SRRM2: variants seen among roughly 807,000 people sequenced by gnomAD.
SRRM2 encodes the protein serine/arginine repetitive matrix 2, also known as serine/arginine repetitive matrix protein 2.
In SRRM2, 30 loss-of-function variants were observed where a neutral mutation model predicts 213.8. The observed-to-expected ratio is 0.14, with a 90% CI of 0.10 to 0.19. The LOEUF (loss-of-function observed/expected upper bound fraction) is 0.19. Among genes scored for constraint, SRRM2 ranks in the 10% least tolerant of loss-of-function variants. The probability of loss-of-function intolerance (pLI) is 1.00; values close to 1 mark genes in which losing one functional copy is unlikely to be tolerated. For missense variants in SRRM2, 4,904 were observed against 3,647.0 expected (o/e 1.34, Z -8.88); for synonymous variants, 2,025 against 1,377.7 (o/e 1.47, Z -10.40).
chr16:2,762,833 G>T lies in SRRM2; in HGVS notation c.2305G>T (p.Ala769Ser), dbSNP rs991472369. The change falls in exon 11 of 15, where the codon GCA becomes TCA. Residue 769 changes from alanine to serine, a missense_variant. Coordinates refer to ENST00000301740, the MANE Select transcript of SRRM2 (RefSeq NM_016333.4). ...GTCTCTCTCTTCACCACGGTCCAAAGCAAAATCTCGCTTGTCTTTGAGGCG... is the reference window on the plus strand; with the variant it reads ...GTCTCTCTCTTCACCACGGTCCAAATCAAAATCTCGCTTGTCTTTGAGGCG... Reference protein sequence around the residue: ...SRSLSSPRSKAKSRLSLRRSL... With the variant: ...SRSLSSPRSKSKSRLSLRRSL... The T allele has an allele frequency of 2.1e-5, 34 of 1,614,010 alleles. No homozygotes were observed. Among genetic ancestry groups the T allele is most frequent in the Non-Finnish European group, 2.6e-5 (31 of 1,180,028 alleles).
rs2068444802 is a variant in SRRM2, at chr16:2,763,742, T to G, written c.3214T>G (p.Ser1072Ala). The G allele has an allele frequency of 6.2e-7, 1 of 1,614,164 alleles. No homozygotes were observed. Among genetic ancestry groups the G allele is most frequent in the Non-Finnish European group, 8.5e-7 (1 of 1,180,040 alleles). Residue 1072 changes from serine to alanine, a missense_variant, in exon 11 of 15, where the codon TCA becomes GCA. Physicochemically the swap from Ser to Ala is moderately conservative, Grantham distance 99 (BLOSUM62 1). Coordinates refer to ENST00000301740, the MANE Select transcript of SRRM2 (RefSeq NM_016333.4). ...TTCACCAGACCACAGATCTGATACT[T>G]CAAGTCCAGAAGTGAGACAGAGTCA... is the stretch of plus-strand genomic sequence containing the variant. ...QTSPDHRSDT[S>A]SPEVRQSHSE...
chr16:2,770,708 G>C lies in SRRM2; in HGVS notation c.8240G>C (p.Arg2747Pro), dbSNP rs1205496525. The C allele has an allele frequency of 6.4e-7, 1 of 1,563,244 alleles. No homozygotes were observed. The highest frequency in any genetic ancestry group is 1.2e-5 in the South Asian group (1 of 85,678). The change falls in exon 14 of 15, where the codon CGC becomes CCC. Residue 2747 changes from arginine (R) to proline (P), a missense_variant. Arg to Pro is a moderately radical substitution (Grantham distance 103). Transcript: ENST00000301740. ...ETPSPRPMRH[R>P]SSRSP Reference sequence around the variant, plus strand: ...CCTAGCCCTCGGCCCATGAGACACCGCTCCTCCAGGTGCGTGTCCTGGAAG... The same window carrying C: ...CCTAGCCCTCGGCCCATGAGACACCCCTCCTCCAGGTGCGTGTCCTGGAAG...
At chr16:2,769,546 C>G in intron 12 of SRRM2, 1 of 645,712 alleles carries the variant, frequency 1.5e-6, no homozygotes, top group East Asian at 2.8e-5. Context: ...AGCCTGTTCC[C>G]AGGGTTCTAG....
Position 2,759,149 on chromosome 16 carries a change from T to C in SRRM2, c.666T>C (p.Ser222=). The C allele has an allele frequency of 6.2e-7, 1 of 1,614,220 alleles. No homozygotes were observed. Residue 222 remains serine (S), a synonymous_variant, in exon 7 of 15, where the codon TCT becomes TCC. Transcript: ENST00000301740. The part of the protein sequence containing the change: ...SSKKKKHRSE[S]ESKKRKHRSP... ...CTCTTTTTTCCAACAGGTCAGAATC[T>C]GAGTCCAAGAAACGTAAGCATAGGT...
Position 2,759,667 on chromosome 16 carries a change from G to A in SRRM2, c.833+6G>A. On this transcript the variant is annotated splice_donor_region_variant and intron_variant, in intron 9 of 14. Transcript: ENST00000301740. ...TCCGATACTTCCCGCAGTCGGTAAG[G>A]GGTAGTCCAGGAGGAAGGGAGGGAG... is the stretch of plus-strand genomic sequence containing the variant. 6.2e-7 allele frequency: 1 copy of A among 1,612,126 alleles called. No individual in the cohort carries two copies. The highest frequency in any genetic ancestry group is 8.5e-7 in the Non-Finnish European group (1 of 1,178,320).
At position 2,762,353 on chromosome 16, in the gene SRRM2, C is replaced by T. The variant is rs1340932379; in HGVS notation, c.1825C>T (p.Pro609Ser). The T allele has an allele frequency of 6.2e-7, 1 of 1,612,958 alleles. No homozygotes were observed. ...PTRRRSRSRT[P>S]ARRGRSRSRT... ...CAGGCGTAGGTCTCGGTCTAGAACA[C>T]CAGCCCGGAGGGGCAGGTCTCGGTC... The change falls in exon 11 of 15, where the codon CCA becomes TCA. Residue 609 changes from proline (P) to serine (S), a missense_variant. Pro to Ser is a moderately conservative substitution (Grantham distance 74, BLOSUM62 -1). Coordinates refer to ENST00000301740, the MANE Select transcript of SRRM2 (RefSeq NM_016333.4).
chr16:2,766,238 A>G lies in SRRM2; in HGVS notation c.5710A>G (p.Thr1904Ala). ...PVSRRRSRSR[T>A]SVTRRRSRSR... ...CAGCCGGAGACGGTCAAGGTCCAGG[A>G]CTTCAGTGACTCGACGAAGATCCCG... Residue 1904 changes from threonine (T) to alanine (A), a missense_variant, in exon 11 of 15, where the codon ACT becomes GCT. Physicochemically the swap from Thr to Ala is moderately conservative, Grantham distance 58 (BLOSUM62 0). Coordinates refer to ENST00000301740, the MANE Select transcript of SRRM2 (RefSeq NM_016333.4). This position sits in a 1 kb window ranked among gnomAD's most constrained non-coding sequence, Gnocchi z 7.0. The G allele has an allele frequency of 6.2e-7, 1 of 1,614,154 alleles. No homozygotes were observed. The highest frequency in any genetic ancestry group is 8.5e-7 in the Non-Finnish European group (1 of 1,180,032).
Position 2,766,548 on chromosome 16 carries a change from G to T in SRRM2, c.6020G>T (p.Arg2007Leu), listed in dbSNP as rs199749070. 1 of 1,613,558 alleles carries T rather than the reference G, an allele frequency of 6.2e-7. No individual in the cohort carries two copies. The highest frequency in any genetic ancestry group is 1.1e-5 in the South Asian group (1 of 91,044). Reference sequence around the variant, plus strand: ...TCTCCAGTAACTCGAAGAAGGTCCCGCTCTCGAACCTCACCAGTGACACGC... The same window carrying T: ...TCTCCAGTAACTCGAAGAAGGTCCCTCTCTCGAACCTCACCAGTGACACGC... Reference protein sequence around the residue: ...RTSPVTRRRSRSRTSPVTRRR... With the variant: ...RTSPVTRRRSLSRTSPVTRRR... The change falls in exon 11 of 15, where the codon CGC becomes CTC. Residue 2007 changes from arginine to leucine, a missense_variant. By Grantham distance (102) the Arg-to-Leu change is moderately radical. Transcript: ENST00000301740. This position sits in a 1 kb window ranked among gnomAD's most constrained non-coding sequence, Gnocchi z 7.0.
In SRRM2 at chr16:2,765,476, G is replaced by A. The variant is rs759193595; in HGVS notation, c.4948G>A (p.Glu1650Lys). 2 of 1,614,142 alleles carry A rather than the reference G, an allele frequency of 1.2e-6. No individual in the cohort carries two copies. The highest frequency in any genetic ancestry group is 2.2e-5 in the East Asian group (1 of 44,882). Reference sequence around the variant, plus strand: ...AAGCAAAGGCAGAGGCCCTTCTCCTGAAGGAAGCAGCAGTACCGAGTCCTC... The same window carrying A: ...AAGCAAAGGCAGAGGCCCTTCTCCTAAAGGAAGCAGCAGTACCGAGTCCTC... ...SSSKGRGPSP[E>K]GSSSTESSPE... Residue 1650 changes from glutamate (E) to lysine (K), a missense_variant, in exon 11 of 15, where the codon GAA (glutamate) becomes AAA (lysine). Coordinates refer to ENST00000301740, the MANE Select transcript of SRRM2 (RefSeq NM_016333.4).
At position 2,762,191 on chromosome 16, in the gene SRRM2, A is replaced by G; in HGVS notation, c.1663A>G (p.Arg555Gly). Residue 555 changes from arginine to glycine, a missense_variant, in exon 11 of 15, where the codon AGG becomes GGG. Coordinates refer to ENST00000301740, the MANE Select transcript of SRRM2 (RefSeq NM_016333.4). ...AAATACCCAGAGAAGAGGCAGGTCT[A>G]GGTCAGCAAGGCGAGGGAGGTCCCA... ...SRNTQRRGRSRSARRGRSHSR... is the reference protein window; with the variant it reads ...SRNTQRRGRSGSARRGRSHSR... 1 of 1,613,968 alleles carries G rather than the reference A, an allele frequency of 6.2e-7. No homozygotes were observed. The highest frequency in any genetic ancestry group is 8.5e-7 in the Non-Finnish European group (1 of 1,179,970).
chr16:2,767,133 C>T lies in SRRM2; in HGVS notation c.6605C>T (p.Ala2202Val), dbSNP rs1421482196. Reference sequence around the variant, plus strand: ...CGGCCTCCTCCGTCCATGTCTGCTGCTGGCCTTGCTGCAAGAATGTCCCAG... The same window carrying T: ...CGGCCTCCTCCGTCCATGTCTGCTGTTGGCCTTGCTGCAAGAATGTCCCAG... ...TARPPPSMSA[A>V]GLAARMSQVP... The change falls in exon 11 of 15, where the codon GCT becomes GTT. Residue 2202 changes from alanine to valine, a missense_variant. Physicochemically the swap from Ala to Val is moderately conservative, Grantham distance 64. Transcript: ENST00000301740. 2 of 1,614,204 alleles carry T rather than the reference C, an allele frequency of 1.2e-6. No individual in the cohort carries two copies. The highest frequency in any genetic ancestry group is 8.5e-7 in the Non-Finnish European group (1 of 1,180,014).
rs2068611041 is a variant in SRRM2 at position 2,768,179 on chromosome 16, T to C, written c.7651T>C (p.Ser2551Pro). 1.9e-6 allele frequency: 3 copies of C among 1,612,160 alleles called. No individual in the cohort carries two copies. The highest frequency in any genetic ancestry group is 2.5e-6 in the Non-Finnish European group (3 of 1,178,772). ...CTCCTCTTCTTCATCATCGTCGTCG[T>C]CGTCCTCCTCCTCCTCTGGCTCCAG... is the stretch of plus-strand genomic sequence containing the variant. Reference protein sequence around the residue: ...SSSSSSSSSSSSSSSSGSSSS... With the variant: ...SSSSSSSSSSPSSSSSGSSSS... Residue 2551 changes from serine to proline, a missense_variant, in exon 11 of 15, where the codon TCG becomes CCG. By Grantham distance (74) the Ser-to-Pro change is moderately conservative. Coordinates refer to ENST00000301740, the MANE Select transcript of SRRM2 (RefSeq NM_016333.4).
chr16:2,757,500 G>A lies in SRRM2; in HGVS notation c.271G>A (p.Val91Met). The change falls in exon 3 of 15, where the codon GTG becomes ATG. Residue 91 changes from valine (V) to methionine (M), a missense_variant. Val to Met is a conservative substitution (Grantham distance 21). Transcript: ENST00000301740. ...CGAGGAACAGCAAATTCAGGAAAAA[G>A]TGGCGACCTTTCGACTCATGTTGCT... The part of the protein sequence containing the change: ...GYEEQQIQEK[V>M]ATFRLMLLEK... The A allele has an allele frequency of 6.2e-7, 1 of 1,614,074 alleles. No homozygotes were observed. The highest frequency in any genetic ancestry group is 8.5e-7 in the Non-Finnish European group (1 of 1,180,008).
Position 2,761,799 on chromosome 16 carries a change from C to T in SRRM2, c.1271C>T (p.Ser424Phe), listed in dbSNP as rs757838439. The T allele has an allele frequency of 8.1e-6, 13 of 1,613,986 alleles. No homozygotes were observed. In the South Asian group the frequency reaches 1.4e-4, roughly 18 times the overall value. ...TCTTCCTCAGAGAGCAGCCCACCAT[C>T]CCCTCAACCTACCAAAGTTTCTCGG... ...QSSSSESSPP[S>F]PQPTKVSRHA... Residue 424 changes from serine to phenylalanine, a missense_variant, in exon 11 of 15, where the codon TCC (serine) becomes TTC (phenylalanine). By Grantham distance (155) the Ser-to-Phe change is radical. Coordinates refer to ENST00000301740, the MANE Select transcript of SRRM2 (RefSeq NM_016333.4).
Position 2,763,595 on chromosome 16 carries a change from G to A in SRRM2, c.3067G>A (p.Asp1023Asn), listed in dbSNP as rs1241206064. 6.2e-7 allele frequency: 1 copy of A among 1,614,008 alleles called. No homozygotes were observed. The highest frequency in any genetic ancestry group is 8.5e-7 in the Non-Finnish European group (1 of 1,180,040). The change falls in exon 11 of 15, where the codon GAC (aspartate) becomes AAC (asparagine). Residue 1023 changes from aspartate (D) to asparagine (N), a missense_variant. Physicochemically the swap from Asp to Asn is conservative, Grantham distance 23 (BLOSUM62 1). Transcript: ENST00000301740. ...ACCATGTCCCCAAGAGAAGTCTAAA[G>A]ACTCACTAGTTCAAAGTTGCCCTGG... ...KSPCPQEKSKDSLVQSCPGSL... is the reference protein window; with the variant it reads ...KSPCPQEKSKNSLVQSCPGSL...
chr16:2,759,881 C>G, intron 9 of SRRM2: 1 of 553,626 alleles, frequency 1.8e-6, no homozygotes, highest in Non-Finnish European at 3.2e-6. Context: ...ATTTTTGTTT[C>G]GTTCTGATGT....
Position 2,762,281 on chromosome 16 carries a change from C to T in SRRM2, c.1753C>T (p.Arg585Cys), listed in dbSNP as rs775280407. 86 of 1,614,000 alleles carry T rather than the reference C, an allele frequency of 5.3e-5. No individual in the cohort carries two copies. The highest frequency in any genetic ancestry group is 6.6e-5 in the South Asian group (6 of 91,074). The change falls in exon 11 of 15, where the codon CGC becomes TGC. Residue 585 changes from arginine (R) to cysteine (C), a missense_variant. Arg to Cys is a radical substitution (Grantham distance 180). Coordinates refer to ENST00000301740, the MANE Select transcript of SRRM2 (RefSeq NM_016333.4). ...AACACCAGCCCGCCGGGGCAGGTCC[C>T]GCTCTAGAACACCTGCCAGGCGGAG... ...SRTPARRGRSRSRTPARRRSR... is the reference protein window; with the variant it reads ...SRTPARRGRSCSRTPARRRSR...
rs775750396 is a variant in SRRM2, at chr16:2,769,214, C to T, written c.7951C>T (p.Pro2651Ser). 2 of 1,600,174 alleles carry T rather than the reference C, an allele frequency of 1.2e-6. No individual in the cohort carries two copies. The highest frequency in any genetic ancestry group is 1.1e-5 in the South Asian group (1 of 87,206). ...SSSSSSSSPSPAKPGPQALPK... is the reference protein window; with the variant it reads ...SSSSSSSSPSSAKPGPQALPK... The stretch of plus-strand genomic sequence containing the variant: ...CTCCTCGTCGTCTTCCTCCCCTTCC[C>T]CTGCTAAGCCTGGCCCTCAGGCCTT... The change falls in exon 12 of 15, where the codon CCT (proline) becomes TCT (serine). Residue 2651 changes from proline to serine, a missense_variant. Transcript: ENST00000301740.
Position 2,766,122 on chromosome 16 carries a change from G to C in SRRM2, c.5594G>C (p.Arg1865Thr). Residue 1865 changes from arginine (R) to threonine (T), a missense_variant, in exon 11 of 15, where the codon AGA becomes ACA. Arg to Thr is a moderately conservative substitution (Grantham distance 71). Transcript: ENST00000301740. This position sits in a 1 kb window ranked among gnomAD's most constrained non-coding sequence, Gnocchi z 7.0. ...TCACCAGCCCCGTGGAAACGCTCTA[G>C]ATCTCGAGCCTCTCCAGCCACTCAC... is the stretch of plus-strand genomic sequence containing the variant. ...RTSPAPWKRS[R>T]SRASPATHRR... is the part of the protein sequence containing the mutation. 6.2e-7 allele frequency: 1 copy of C among 1,614,148 alleles called. No homozygotes were observed. The highest frequency in any genetic ancestry group is 8.5e-7 in the Non-Finnish European group (1 of 1,180,036).
Sources: allele counts gnomAD v4.1 joint callset, GRCh38; gene constraint gnomAD v4.1.1; non-coding constraint Gnocchi (gnomAD v3.1); transcripts MANE v1.5; gene names NCBI Gene and HGNC (gene_info 2026-07-23, HGNC 2026-07-21).